CAPN2: variants seen among roughly 807,000 people sequenced by gnomAD.
The protein encoded by CAPN2 is calpain 2.
A neutral mutation model predicts 102.3 loss-of-function variants in CAPN2; 92 were observed. The ratio of observed to expected loss-of-function variants is 0.90; its 90% CI spans 0.76 to 1.07. CAPN2 has a LOEUF of 1.07. CAPN2 is among the 50% of genes least tolerant of loss of function. The pLI is 0.00. For missense variants in CAPN2, 800 were observed against 909.4 expected (o/e 0.88, Z 1.55); for synonymous variants, 340 against 355.4 (o/e 0.96, Z 0.49).
chr1:223,723,527 G>A (rs1660110593), intron 2 of CAPN2, among the ~76,000 whole-genome samples: 1 of 151,980 alleles, frequency 6.6e-6, no homozygotes, highest in South Asian at 2.1e-4. Context: ...TGTCCCCTCG[G>A]CTTCTCTTCT....
chr1:223,710,693 AAC>A (rs1659708040), upstream of CAPN2, among the ~76,000 whole-genome samples: 1 of 152,156 alleles, frequency 6.6e-6, no homozygotes, highest in African/African-American at 2.4e-5. Flanking sequence ...TTGTCTCCAC[AAC>A]CTCTTATCGC....
chr1:223,740,070 G>A (rs191418883), intron 2 of CAPN2, among the ~76,000 whole-genome samples: 1 of 152,256 alleles, frequency 6.6e-6, no homozygotes, highest in African/African-American at 2.4e-5. Flanking sequence ...ACCTTGATGG[G>A]GACAGCCAAG....
At chr1:223,753,263 TC>T (rs1660951830) in intron 9 of CAPN2, among the ~76,000 whole-genome samples, 2 of 152,056 alleles carry the variant, frequency 1.3e-5, no homozygotes, top group Non-Finnish European at 2.9e-5. Context: ...AGCCTGACCT[TC>T]CGCCATGCTC....
chr1:223,754,239 C>T lies in CAPN2; in HGVS notation c.1136-1241C>T, dbSNP rs763972317. ...CAGGGCCACAGAGCAAGTAGTCAGACTGCGGCTAGCTGGCCTACAGTTCTG... is the reference window on the plus strand; with the variant it reads ...CAGGGCCACAGAGCAAGTAGTCAGATTGCGGCTAGCTGGCCTACAGTTCTG... On this transcript the variant is annotated intron_variant, in intron 9 of 20. Coordinates refer to ENST00000295006, the MANE Select transcript of CAPN2 (RefSeq NM_001748.5). The surrounding 1 kb of genome is among the most constrained non-coding windows in gnomAD (Gnocchi z 4.7). Among the ~76,000 whole-genome samples, 43 of 152,336 alleles carry T rather than the reference C, an allele frequency of 2.8e-4. No individual in the cohort carries two copies. Among genetic ancestry groups the T allele is most frequent in the Non-Finnish European group, 5.0e-4 (34 of 68,034 alleles).
chr1:223,723,946 C>G (rs1475988814), intron 2 of CAPN2, among the ~76,000 whole-genome samples: 5 of 151,674 alleles, frequency 3.3e-5, no homozygotes, highest in Non-Finnish European at 4.4e-5. Context: ...CCATGGGCCT[C>G]TGGATCCAGG....
intron 1 of CAPN2, among the ~76,000 whole-genome samples, chr1:223,703,829 A>G (rs948480397): frequency 2.0e-5 from 3 of 152,212 alleles, no homozygotes; most frequent in African/African-American, 4.8e-5. Flanking sequence ...AGGACTTGTC[A>G]GAGCCTTTAA....
At chr1:223,735,868 C>T (rs1477577878) in intron 2 of CAPN2, among the ~76,000 whole-genome samples, 5 of 152,188 alleles carry the variant, frequency 3.3e-5, no homozygotes, top group African/African-American at 1.2e-4. Context: ...CAACCCCCAC[C>T]TCCTGGATTC....
intron 6 of CAPN2, among the ~76,000 whole-genome samples, chr1:223,750,401 CATT>C (rs970395374): frequency 2.0e-5 from 3 of 152,186 alleles, no homozygotes; most frequent in African/African-American, 7.2e-5. Context: ...AAGAAAATAA[CATT>C]AATTCAGTAG....
At position 223,727,447 on chromosome 1, in the gene CAPN2, C is replaced by T. The variant is rs1331679726; in HGVS notation, c.307+9616C>T. Among the ~76,000 whole-genome samples the T allele has an allele frequency of 2.6e-5, 4 of 151,918 alleles. No individual in the cohort carries two copies. The highest frequency in any genetic ancestry group is 5.9e-5 in the Non-Finnish European group (4 of 67,990). ...TGCCAAATGTCCCCTGGGGGCTTGGCGGAGTTGGGGGGTGCATGGAATGCC... is the reference window on the plus strand; with the variant it reads ...TGCCAAATGTCCCCTGGGGGCTTGGTGGAGTTGGGGGGTGCATGGAATGCC... On this transcript the variant is annotated intron_variant, in intron 2 of 20. Coordinates refer to ENST00000295006, the MANE Select transcript of CAPN2 (RefSeq NM_001748.5). The surrounding 1 kb of genome is among the most constrained non-coding windows in gnomAD (Gnocchi z 4.1).
intron 20 of CAPN2, 35 bp downstream of exon 20, chr1:223,772,274 AT>A: frequency 6.3e-7 from 1 of 1,587,080 alleles, no homozygotes; most frequent in Non-Finnish European, 8.6e-7. Context: ...TTCTAAGGGG[AT>A]GGGGGAGGCA....
intron 19 of CAPN2, 103 bp downstream of exon 19, chr1:223,772,028 G>A (rs1661490627): frequency 8.9e-7 from 1 of 1,121,766 alleles, no homozygotes; most frequent in Admixed American, 1.7e-5. Context: ...ATGTCTTCCA[G>A]GAGTTGAGAA....
rs1248265698 is a variant in CAPN2 at position 223,727,065 on chromosome 1, G to A, written c.307+9234G>A. 6.6e-6 allele frequency among the ~76,000 whole-genome samples: 1 copy of A among 152,176 alleles called. No individual in the cohort carries two copies. The highest frequency in any genetic ancestry group is 1.5e-5 in the Non-Finnish European group (1 of 68,034). On this transcript the variant is annotated intron_variant, in intron 2 of 20. Coordinates refer to ENST00000295006, the MANE Select transcript of CAPN2 (RefSeq NM_001748.5). The surrounding 1 kb of genome is among the most constrained non-coding windows in gnomAD (Gnocchi z 4.1). ...AAAATGTGGCTCTCCGCCTTCTTGG[G>A]CTGCCTAGGACCTTGAGAGATGTGT...
chr1:223,771,508 A>G (rs1293946274), intron 18 of CAPN2: 2 of 299,622 alleles, frequency 6.7e-6, no homozygotes, highest in Non-Finnish European at 1.2e-5. Context: ...ACAAAAAATC[A>G]AACAGCAGCA....
intron 3 of CAPN2, among the ~76,000 whole-genome samples, chr1:223,744,907 T>C (rs1265873955): frequency 6.6e-6 from 1 of 151,866 alleles, no homozygotes; most frequent in Non-Finnish European, 1.5e-5. Context: ...TAGCCGGGTG[T>C]GGTGGCACGT....
At chr1:223,762,293 C>T (rs1163476672) in intron 14 of CAPN2, 42 bp downstream of exon 14, 2 of 1,468,772 alleles carry the variant, frequency 1.4e-6, no homozygotes. Flanking sequence ...CTGGTTGATG[C>T]AAAGGAAGAG....
intron 1 of CAPN2, 98 bp from the exon 2 acceptor site, chr1:223,717,664 G>T: frequency 1.1e-6 from 1 of 895,316 alleles, no homozygotes; most frequent in East Asian, 2.5e-5. Flanking sequence ...GAGGGGAAGG[G>T]GAGAAGGGGT....
At chr1:223,705,385 C>A (rs1659580513) in intron 1 of CAPN2, among the ~76,000 whole-genome samples, 1 of 152,202 alleles carries the variant, frequency 6.6e-6, no homozygotes, top group African/African-American at 2.4e-5. Flanking sequence ...TGACTACATC[C>A]TCGGAAGACT....
At chr1:223,746,475 C>CTTTTTTTTTTTTTTTTTTTT (rs60366533) in intron 4 of CAPN2, among the ~76,000 whole-genome samples, 1 of 108,496 alleles carries the variant, frequency 9.2e-6, no homozygotes, top group African/African-American at 4.4e-5. Context: ...CTACGAGAAT[C>CTTTTTTTTTTTTTTTTTTTT]TTTTTTTTTT....
chr1:223,733,386 T>A (rs1660377343), intron 2 of CAPN2, among the ~76,000 whole-genome samples: 1 of 152,178 alleles, frequency 6.6e-6, no homozygotes, highest in African/African-American at 2.4e-5. Context: ...GCTGGGCCTG[T>A]CACACAGCCA....
Sources: gnomAD v4.1 joint callset for allele counts (sites outside exome capture counted in the v4.1 genomes callset) on GRCh38, gnomAD v4.1.1 for gene constraint, Gnocchi (gnomAD v3.1) non-coding constraint, MANE v1.5 for transcripts, NCBI Gene and HGNC (gene_info 2026-07-23, HGNC 2026-07-21) for gene names.